Variants in ZNF786 observed in about 807,000 individuals in gnomAD.
ZNF786 encodes the protein zinc finger protein 786.
Under a neutral mutation model 63.1 loss-of-function variants are expected in ZNF786, and 56 were observed. The ratio of observed to expected loss-of-function variants is 0.89; its 90% CI spans 0.72 to 1.11. The LOEUF is 1.11. Ranked by LOEUF, ZNF786 falls within the 50% of genes least tolerant of loss-of-function variation. The probability of loss-of-function intolerance (pLI) is 0.00; values close to 1 mark genes in which losing one functional copy is unlikely to be tolerated. For synonymous variants in ZNF786, 485 were observed against 406.9 expected (o/e 1.19, Z -2.31); for missense variants, 1,213 against 1,041.8 (o/e 1.16, Z -2.26).
At chr7:149,081,525 G>A (rs1165080972) in intron 1 of ZNF786, among the ~76,000 whole-genome samples, 1 of 151,606 alleles carries the variant, frequency 6.6e-6, no homozygotes, top group East Asian at 1.9e-4. Flanking sequence ...GTATAAAAGG[G>A]GAAATACTAA....
rs763802833 is a variant in ZNF786 at position 149,072,236 on chromosome 7, A to C, written c.536T>G (p.Val179Gly). ...GTGCTGGGTGCTCTCCCAGGCGGGG[A>C]CGTCCCACAAACCAGGAAGATCCAG... ...RNLDLPGLWD[V>G]PAWESTQHPW... is the part of the protein sequence containing the mutation. Residue 179 changes from valine (V) to glycine (G), a missense_variant, in exon 4 of 4, where the codon GTC becomes GGC. Transcript: ENST00000491431. 1.9e-6 allele frequency: 3 copies of C among 1,613,386 alleles called. No homozygotes were observed. Among genetic ancestry groups the C allele is most frequent in the African/African-American group, 2.7e-5 (2 of 74,896 alleles).
In ZNF786 at chr7:149,071,032, G is replaced by C. The variant is rs201823529; in HGVS notation, c.1740C>G (p.Leu580=). The C allele has an allele frequency of 6.2e-7, 1 of 1,612,658 alleles. No individual in the cohort carries two copies. The highest frequency in any genetic ancestry group is 2.2e-5 in the East Asian group (1 of 44,882). ...CGCTGTGCACGCGCAAGTGCTCCGT[G>C]AGCTTGGATTGTCTGGTGAAGCCCT... ...CGKGFTRQSK[L]TEHLRVHSGE... Residue 580 remains leucine (L), a synonymous_variant, in exon 4 of 4, where the codon CTC becomes CTG. Transcript: ENST00000491431.
At chr7:149,078,434 C>G (rs1199456592) in intron 2 of ZNF786, among the ~76,000 whole-genome samples, 2 of 152,074 alleles carry the variant, frequency 1.3e-5, no homozygotes, top group South Asian at 4.2e-4. Flanking sequence ...CCTGTAATCC[C>G]AGCACTTTGG....
intron 2 of ZNF786, among the ~76,000 whole-genome samples, chr7:149,076,668 G>A (rs1316079213): frequency 2.7e-5 from 4 of 147,472 alleles, no homozygotes; most frequent in African/African-American, 7.5e-5. Flanking sequence ...GTGGTGAGCC[G>A]AGATCGCGCC....
rs1452944452 is a variant in ZNF786, at chr7:149,069,947, T to C, written c.*476A>G. ...AAATTTACTTTTATAACAATTACTT[T>C]TTAAAATGTCAGAACTTCCTTATAA... On this transcript the variant is annotated 3_prime_UTR_variant, in exon 4 of 4. Coordinates refer to ENST00000491431, the MANE Select transcript of ZNF786 (RefSeq NM_152411.4). The C allele has an allele frequency of 1.3e-5, 2 of 154,756 alleles. No individual in the cohort carries two copies. Among genetic ancestry groups the C allele is most frequent in the Non-Finnish European group, 2.9e-5 (2 of 69,784 alleles). 9.6% of individuals were successfully genotyped at this position (154,756 alleles called of 1,614,324 possible).
In ZNF786 at chr7:149,071,478, T is replaced by C. The variant is rs34255334; in HGVS notation, c.1294A>G (p.Lys432Glu). The change falls in exon 4 of 4, where the codon AAG becomes GAG. Residue 432 changes from lysine (K) to glutamate (E), a missense_variant. By Grantham distance (56) the Lys-to-Glu change is moderately conservative. Coordinates refer to ENST00000491431, the MANE Select transcript of ZNF786 (RefSeq NM_152411.4). Reference sequence around the variant, plus strand: ...AGTTTACACTGCTTGGCGAAGCCCTTGCCACACTTCCTGCAGGAGAACGGT... The same window carrying C: ...AGTTTACACTGCTTGGCGAAGCCCTCGCCACACTTCCTGCAGGAGAACGGT... The part of the protein sequence containing the change: ...ERPFSCRKCG[K>E]GFAKQCKLTE... The C allele has an allele frequency of 0.011, 17,870 of 1,613,312 alleles. 123 individuals carry two copies. The highest frequency in any genetic ancestry group is 0.023 in the African/African-American group (1,746 of 74,980).
In ZNF786 at chr7:149,072,012, A is replaced by G. The variant is rs919598697; in HGVS notation, c.760T>C (p.Cys254Arg). ...TGGGCCGCCAGATGGCGCAGCAGAC[A>G]CAGCTTCCGGCGGAAGCTCTTACCG... ...VCGKSFRRKL[C>R]LLRHLAAHTG... Residue 254 changes from cysteine to arginine, a missense_variant, in exon 4 of 4, where the codon TGT becomes CGT. Transcript: ENST00000491431. 6.2e-7 allele frequency: 1 copy of G among 1,613,082 alleles called. No homozygotes were observed. Among genetic ancestry groups the G allele is most frequent in the Non-Finnish European group, 8.5e-7 (1 of 1,179,826 alleles).
rs1170389919 is a variant in ZNF786, at chr7:149,070,378, G to A, written c.*45C>T. On this transcript the variant is annotated 3_prime_UTR_variant, in exon 4 of 4. Transcript: ENST00000491431. The stretch of plus-strand genomic sequence containing the variant: ...CTGGCTACTGTTGCTGTGGATTCCT[G>A]GGCAATACCAATCCTGCTCAACGCT... 6.3e-7 allele frequency: 1 copy of A among 1,588,340 alleles called. No homozygotes were observed.
chr7:149,088,962 T>C (rs1229713821), intron 1 of ZNF786, among the ~76,000 whole-genome samples: 4 of 151,138 alleles, frequency 2.6e-5, no homozygotes, highest in Admixed American at 2.0e-4. Flanking sequence ...AGTTTCTTTT[T>C]TTTTTTTTTT....
At position 149,071,728 on chromosome 7, in the gene ZNF786, C is replaced by T; in HGVS notation, c.1044G>A (p.Gln348=). Residue 348 remains glutamine (Q), a synonymous_variant, in exon 4 of 4, where the codon CAG becomes CAA. Transcript: ENST00000491431. ...CCCCTTCCTGGTGGCTGTTCCCCTC[C>T]TGGGGCAGGCGCGAGCCTGGTTTCT... is the stretch of plus-strand genomic sequence containing the variant. ...SGQKPGSRLP[Q]EGNSHQEGDT... The T allele has an allele frequency of 1.3e-6, 2 of 1,585,012 alleles. No homozygotes were observed. The highest frequency in any genetic ancestry group is 4.5e-5 in the East Asian group (2 of 44,180).
rs770464640 is a variant in ZNF786, at chr7:149,074,493, C to T, written c.191G>A (p.Gly64Glu). The T allele has an allele frequency of 6.2e-7, 1 of 1,613,898 alleles. No individual in the cohort carries two copies. The highest frequency in any genetic ancestry group is 8.5e-7 in the Non-Finnish European group (1 of 1,179,866). ...KPELISWIEHGGEPFRKWRES... is the reference protein window; with the variant it reads ...KPELISWIEHEGEPFRKWRES... ...TCTCCATTTCCTGAAGGGCTCTCCC[C>T]CGTGTTCAATCCAGGATATTAGTTC... Residue 64 changes from glycine to glutamate, a missense_variant, in exon 3 of 4, where the codon GGG (glycine) becomes GAG (glutamate). Physicochemically the swap from Gly to Glu is moderately conservative, Grantham distance 98 (BLOSUM62 -2). Coordinates refer to ENST00000491431, the MANE Select transcript of ZNF786 (RefSeq NM_152411.4).
At position 149,071,831 on chromosome 7, in the gene ZNF786, C is replaced by G; in HGVS notation, c.941G>C (p.Arg314Pro). 6.3e-7 allele frequency: 1 copy of G among 1,591,426 alleles called. No homozygotes were observed. The highest frequency in any genetic ancestry group is 1.3e-5 in the African/African-American group (1 of 74,868). Reference sequence around the variant, plus strand: ...CCCCTCCCGGCTGTGCTGGCACCGGCGAGCCTGCGTGCTGTCCACTGGGAG... The same window carrying G: ...CCCCTCCCGGCTGTGCTGGCACCGGGGAGCCTGCGTGCTGTCCACTGGGAG... ...RSLPVDSTQARRCQHSREGPA... is the reference protein window; with the variant it reads ...RSLPVDSTQAPRCQHSREGPA... The change falls in exon 4 of 4, where the codon CGC becomes CCC. Residue 314 changes from arginine to proline, a missense_variant. Coordinates refer to ENST00000491431, the MANE Select transcript of ZNF786 (RefSeq NM_152411.4).
chr7:149,075,471 G>A (rs1007806082), intron 2 of ZNF786, among the ~76,000 whole-genome samples: 1 of 151,660 alleles, frequency 6.6e-6, no homozygotes, highest in Non-Finnish European at 1.5e-5. Flanking sequence ...TCAAACTCCT[G>A]GACTCAAGTA....
rs1825383093 is a variant in ZNF786 at position 149,070,552 on chromosome 7, G to A, written c.2220C>T (p.Gly740=). ...RPFACGDCGK[G]FIYKSKLAEH... is the part of the protein sequence containing the mutation. ...CCGCAAGCTTAGACTTGTAAATGAA[G>A]CCCTTCCCACAATCGCCACAGGCAA... The change falls in exon 4 of 4, where the codon GGC becomes GGT. Residue 740 remains glycine (G), a synonymous_variant. Transcript: ENST00000491431. The A allele has an allele frequency of 6.2e-7, 1 of 1,614,032 alleles. No individual in the cohort carries two copies. The highest frequency in any genetic ancestry group is 1.3e-5 in the African/African-American group (1 of 75,068).
At chr7:149,081,382 G>C (rs1326839526) in intron 1 of ZNF786, among the ~76,000 whole-genome samples, 2 of 146,168 alleles carry the variant, frequency 1.4e-5, no homozygotes, top group Non-Finnish European at 3.0e-5. Flanking sequence ...GTTGCAGTGA[G>C]CGGAGATCGC....
chr7:149,080,941 T>C (rs574953535), intron 1 of ZNF786, among the ~76,000 whole-genome samples: 61 of 152,334 alleles, frequency 4.0e-4, no homozygotes, highest in African/African-American at 1.3e-3. Flanking sequence ...AAAGTATATA[T>C]ACACATGTAG....
At chr7:149,072,957 A>G (rs1825458610) in intron 3 of ZNF786, among the ~76,000 whole-genome samples, 1 of 152,200 alleles carries the variant, frequency 6.6e-6, no homozygotes, top group Non-Finnish European at 1.5e-5. Context: ...AAGCCAGTGT[A>G]TCGCATTCTG....
rs1825377224 is a variant in ZNF786, at chr7:149,070,359, A to G, written c.*64T>C. The G allele has an allele frequency of 3.2e-6, 5 of 1,568,768 alleles. No individual in the cohort carries two copies. In the Admixed American group the frequency reaches 7.1e-5, roughly 22 times the overall value. ...AACCCGTCTACCAGCGGGTCTGGCT[A>G]CTGTTGCTGTGGATTCCTGGGCAAT... On this transcript the variant is annotated 3_prime_UTR_variant, in exon 4 of 4. Coordinates refer to ENST00000491431, the MANE Select transcript of ZNF786 (RefSeq NM_152411.4).
chr7:149,090,531 A>T, intron 1 of ZNF786, 92 bp downstream of exon 1: 6 of 1,338,216 alleles, frequency 4.5e-6, no homozygotes, highest in Non-Finnish European at 5.9e-6. Context: ...CACCGCGCGC[A>T]CTCACGGGGA....
Sources: allele counts gnomAD v4.1 joint callset (sites outside exome capture counted in the v4.1 genomes callset), GRCh38; gene constraint gnomAD v4.1.1; transcripts MANE v1.5; gene names NCBI Gene and HGNC (gene_info 2026-07-23, HGNC 2026-07-21).